The following MAML3 variants were observed in gnomAD, a reference collection of about 807,000 sequenced individuals.
MAML3 encodes mastermind like transcriptional coactivator 3, also known as mastermind-like protein 3.
MAML3 carries 27 observed loss-of-function variants against 101.9 expected under a neutral mutation model. The observed-to-expected ratio is 0.27, with a 90% CI of 0.20 to 0.37. The LOEUF (loss-of-function observed/expected upper bound fraction) is 0.37. Ranked by LOEUF, MAML3 falls within the 10% of genes least tolerant of loss-of-function variation. The probability of loss-of-function intolerance (pLI) is 1.00; values close to 1 mark genes in which losing one functional copy is unlikely to be tolerated. For synonymous variants in MAML3, 501 were observed against 555.9 expected (o/e 0.90, Z 1.39); for missense variants, 1,316 against 1,444.9 (o/e 0.91, Z 1.45).
At chr4:139,772,976 C>T (rs1482914698) in intron 2 of MAML3, among the ~76,000 whole-genome samples, 4 of 151,090 alleles carry the variant, frequency 2.6e-5, no homozygotes. Flanking sequence ...TAATGTATCA[C>T]ATTTCCTCTA....
intron 2 of MAML3, among the ~76,000 whole-genome samples, chr4:139,874,644 T>C (rs1732073998): frequency 6.6e-6 from 1 of 152,136 alleles, no homozygotes; most frequent in African/African-American, 2.4e-5. Flanking sequence ...ACTTACACTC[T>C]CCTAGAGGAT....
chr4:139,937,869 C>G (rs181324557), intron 1 of MAML3, among the ~76,000 whole-genome samples: 1 of 152,304 alleles, frequency 6.6e-6, no homozygotes, highest in East Asian at 1.9e-4. Context: ...TTACATCACA[C>G]CTTTCCTGCC....
intron 2 of MAML3, among the ~76,000 whole-genome samples, chr4:139,827,726 A>C (rs879473095): frequency 1.3e-5 from 2 of 152,228 alleles, no homozygotes; most frequent in African/African-American, 2.4e-5. Context: ...TATTTCCAAA[A>C]TGTGGTTATA....
At chr4:140,040,049 A>G (rs1387759444) in intron 1 of MAML3, among the ~76,000 whole-genome samples, 1 of 152,150 alleles carries the variant, frequency 6.6e-6, no homozygotes, top group African/African-American at 2.4e-5. Context: ...AGTCAACAAG[A>G]GAGGGGTTAG....
intron 1 of MAML3, among the ~76,000 whole-genome samples, chr4:140,008,402 C>T (rs1473577528): frequency 6.6e-6 from 1 of 152,120 alleles, no homozygotes; most frequent in Non-Finnish European, 1.5e-5. Flanking sequence ...TTACAGGTTT[C>T]TGACCTTTTA....
chr4:139,900,328 A>C (rs1216579203), intron 1 of MAML3, among the ~76,000 whole-genome samples: 1 of 152,212 alleles, frequency 6.6e-6, no homozygotes, highest in Non-Finnish European at 1.5e-5. Context: ...GGTGTGGCTG[A>C]ATCTTTAGGT....
intron 2 of MAML3, among the ~76,000 whole-genome samples, chr4:139,742,184 T>C (rs780791458): frequency 2.1e-4 from 32 of 150,660 alleles, no homozygotes; most frequent in Non-Finnish European, 4.3e-4. Context: ...AGTCTCGCTC[T>C]GTCAGCCAGG....
At chr4:140,008,278 C>T (rs752812296) in intron 1 of MAML3, among the ~76,000 whole-genome samples, 163 of 152,126 alleles carry the variant, frequency 1.1e-3, no homozygotes, top group East Asian at 5.8e-4. Flanking sequence ...AGCCAGGAGG[C>T]GGAGGTTGCA....
At chr4:140,084,367 C>T (rs1332038242) in intron 1 of MAML3, among the ~76,000 whole-genome samples, 1 of 152,134 alleles carries the variant, frequency 6.6e-6, no homozygotes, top group African/African-American at 2.4e-5. Flanking sequence ...TGGTTTGTTG[C>T]CACGTGCACA....
intron 2 of MAML3, among the ~76,000 whole-genome samples, chr4:139,811,135 T>C (rs541915620): frequency 2.6e-5 from 4 of 152,250 alleles, no homozygotes; most frequent in Non-Finnish European, 5.9e-5. Flanking sequence ...TGCCTGTGTC[T>C]GGCTTCTTAT....
intron 1 of MAML3, among the ~76,000 whole-genome samples, chr4:140,009,593 A>G (rs1560865267): frequency 6.6e-6 from 1 of 152,264 alleles, no homozygotes; most frequent in Non-Finnish European, 1.5e-5. Flanking sequence ...TATTTTAAAC[A>G]TCACTTCACT....
At chr4:140,102,001 G>A (rs532893431) in intron 1 of MAML3, among the ~76,000 whole-genome samples, 135 of 152,248 alleles carry the variant, frequency 8.9e-4, no homozygotes, top group African/African-American at 3.1e-3. Flanking sequence ...CCATAAGTTT[G>A]TGTCTTCTAA....
At chr4:139,760,418 C>T (rs1729732550) in intron 2 of MAML3, among the ~76,000 whole-genome samples, 2 of 152,158 alleles carry the variant, frequency 1.3e-5, no homozygotes, top group Non-Finnish European at 2.9e-5. Flanking sequence ...GCTGTAATCC[C>T]AGCACTTCGG....
chr4:139,931,154 C>T (rs1334999071), intron 1 of MAML3, among the ~76,000 whole-genome samples: 1 of 152,072 alleles, frequency 6.6e-6, no homozygotes, highest in African/African-American at 2.4e-5. Context: ...TGCAGGGCCC[C>T]TTGATCAAAA....
chr4:139,719,471 T>C lies in MAML3; in HGVS notation c.3269A>G (p.Gln1090Arg), dbSNP rs774502224. 26 of 1,613,908 alleles carry C rather than the reference T, an allele frequency of 1.6e-5. No homozygotes were observed. Among genetic ancestry groups the C allele is most frequent in the Middle Eastern group, 3.3e-4 (2 of 6,084 alleles). ...QSQAYERNAPQDVSYNYSGDG... is the reference protein window; with the variant it reads ...QSQAYERNAPRDVSYNYSGDG... The stretch of plus-strand genomic sequence containing the variant: ...GCCACTGTAATTGTATGACACGTCC[T>C]GAGGGGCATTCCGCTCATAGGCTTG... Residue 1090 changes from glutamine to arginine, a missense_variant, in exon 5 of 5, where the codon CAG becomes CGG. Coordinates refer to ENST00000509479, the MANE Select transcript of MAML3 (RefSeq NM_018717.5).
intron 1 of MAML3, among the ~76,000 whole-genome samples, chr4:139,995,770 CTATTT>C (rs1734796697): frequency 6.6e-6 from 1 of 151,674 alleles, no homozygotes; most frequent in Non-Finnish European, 1.5e-5. Flanking sequence ...CTGATTTTCT[CTATTT>C]TTTTTCTTTT....
At chr4:140,052,131 G>A (rs1261549997) in intron 1 of MAML3, among the ~76,000 whole-genome samples, 1 of 152,126 alleles carries the variant, frequency 6.6e-6, no homozygotes, top group Admixed American at 6.5e-5. Context: ...TAAAACCTAC[G>A]AAAAGCCCAG....
intron 1 of MAML3, among the ~76,000 whole-genome samples, chr4:140,019,469 A>C (rs943784273): frequency 1.3e-5 from 2 of 152,212 alleles, no homozygotes; most frequent in African/African-American, 4.8e-5. Context: ...ATAAATACCT[A>C]ATGAGTGAGG....
intron 1 of MAML3, among the ~76,000 whole-genome samples, chr4:140,099,229 T>A (rs1354436534): frequency 2.7e-5 from 4 of 147,072 alleles, no homozygotes; most frequent in African/African-American, 1.0e-4. Flanking sequence ...TGGAAGTATA[T>A]CACACACACA....
Sources: gnomAD v4.1 joint callset for allele counts (sites outside exome capture counted in the v4.1 genomes callset) on GRCh38, gnomAD v4.1.1 for gene constraint, MANE v1.5 for transcripts, NCBI Gene and HGNC (gene_info 2026-07-23, HGNC 2026-07-21) for gene names.